VDR: variants seen among roughly 807,000 people sequenced by gnomAD.
VDR encodes the protein vitamin D receptor, also known as vitamin D3 receptor.
VDR carries 19 observed loss-of-function variants against 39.7 expected under a neutral mutation model. That is an observed-to-expected ratio of 0.48 (90% CI 0.33 to 0.70). VDR has a LOEUF of 0.70. VDR is among the 30% of genes least tolerant of loss of function. VDR has a pLI of 0.02. For missense variants in VDR, 442 were observed against 570.5 expected (o/e 0.77, Z 2.29); for synonymous variants, 242 against 215.8 (o/e 1.12, Z -1.07).
chr12:47,896,921 A>G (rs1946474489), intron 1 of VDR: 1 of 152,182 alleles, frequency 6.6e-6, no homozygotes, highest in South Asian at 2.1e-4. Context: ...CCCTGGCCAG[A>G]TTGGAACTGC....
At chr12:47,878,890 G>GC in intron 3 of VDR, 78 bp downstream of exon 3, 1 of 1,608,740 alleles carries the variant, frequency 6.2e-7, no homozygotes. Flanking sequence ...TGTGAAAAAT[G>GC]CAAGGGCTCC....
At position 47,882,771 on chromosome 12, in the gene VDR, G is replaced by C. The variant is rs956855629; in HGVS notation, c.-80C>G. 18 of 1,534,954 alleles carry C rather than the reference G, an allele frequency of 1.2e-5. No homozygotes were observed. Among genetic ancestry groups the C allele is most frequent in the East Asian group, 4.9e-5 (2 of 40,924 alleles). ...TCTCACAGACACTTCAGACCCAAAG[G>C]CTTCTGAAATGAAGAAGGGGAAACC... On this transcript the variant is annotated 5_prime_UTR_variant, in exon 2 of 10. Coordinates refer to ENST00000549336, the MANE Select transcript of VDR (RefSeq NM_000376.3).
In VDR at chr12:47,844,716, C is replaced by T. The variant is rs1281042002; in HGVS notation, c.*30G>A. On this transcript the variant is annotated 3_prime_UTR_variant, in exon 10 of 10. Transcript: ENST00000549336. Reference sequence around the variant, plus strand: ...GGCACGTGGCCCTGGAGGAGCAGCCCCACCCAGGCACCGCCACAGGCTGTC... The same window carrying T: ...GGCACGTGGCCCTGGAGGAGCAGCCTCACCCAGGCACCGCCACAGGCTGTC... 1.9e-6 allele frequency: 3 copies of T among 1,613,302 alleles called. No homozygotes were observed. Among genetic ancestry groups the T allele is most frequent in the Admixed American group, 3.3e-5 (2 of 59,994 alleles).
At chr12:47,890,461 C>G (rs1177275764) in intron 1 of VDR, among the ~76,000 whole-genome samples, 2 of 151,348 alleles carry the variant, frequency 1.3e-5, no homozygotes, top group Non-Finnish European at 2.9e-5. Flanking sequence ...CCTCTGGGGT[C>G]AGGGAGGAAA....
chr12:47,856,568 C>T lies in VDR; in HGVS notation c.583+561G>A, dbSNP rs999084411. Among the ~76,000 whole-genome samples, 3 of 148,976 alleles carry T rather than the reference C, an allele frequency of 2.0e-5. No individual in the cohort carries two copies. In the East Asian group the frequency reaches 5.9e-4, roughly 29 times the overall value. On this transcript the variant is annotated intron_variant, in intron 6 of 9. Coordinates refer to ENST00000549336, the MANE Select transcript of VDR (RefSeq NM_000376.3). ...CAATGCCATATAAAAAAAAGCAAGTCATCAGATTGTATACAGCACAATTTC... is the reference window on the plus strand; with the variant it reads ...CAATGCCATATAAAAAAAAGCAAGTTATCAGATTGTATACAGCACAATTTC...
At chr12:47,860,082 G>A (rs367942248) in intron 4 of VDR, among the ~76,000 whole-genome samples, 6 of 152,036 alleles carry the variant, frequency 3.9e-5, no homozygotes, top group East Asian at 1.9e-4. Flanking sequence ...TCCTGCCTCA[G>A]GCTACAGAGT....
intron 7 of VDR, among the ~76,000 whole-genome samples, chr12:47,855,293 A>C (rs1274293969): frequency 6.6e-6 from 1 of 151,998 alleles, no homozygotes; most frequent in African/African-American, 2.4e-5. Flanking sequence ...GTGCCACTGC[A>C]CTCCAGCCTG....
intron 1 of VDR, among the ~76,000 whole-genome samples, chr12:47,898,979 T>A (rs1250803033): frequency 6.6e-6 from 1 of 152,104 alleles, no homozygotes; most frequent in Non-Finnish European, 1.5e-5. Context: ...TTAACTTAGG[T>A]GGTAGGTACA....
At chr12:47,859,909 CCTTCCTTCTTTCTT>C (rs1565615285) in intron 4 of VDR, among the ~76,000 whole-genome samples, 1,639 of 45,364 alleles carry the variant, frequency 0.036, 93 homozygotes, top group African/African-American at 0.072. Flanking sequence ...TTCCTTCCTT[CCTTCCTTCTTTCTT>C]TTTCTTTCTT....
At chr12:47,874,693 C>T (rs1028993063) in intron 3 of VDR, among the ~76,000 whole-genome samples, 1 of 152,222 alleles carries the variant, frequency 6.6e-6, no homozygotes, top group Non-Finnish European at 1.5e-5. Flanking sequence ...TGTTTCTCAT[C>T]TTGCCTTCCA....
At chr12:47,865,662 C>T (rs897149400) in intron 3 of VDR, among the ~76,000 whole-genome samples, 2 of 151,348 alleles carry the variant, frequency 1.3e-5, no homozygotes, top group South Asian at 2.1e-4. Flanking sequence ...ATCCTCTATC[C>T]TAGGCCTCCC....
chr12:47,845,354 A>G (rs984089094), intron 9 of VDR, among the ~76,000 whole-genome samples: 2 of 151,618 alleles, frequency 1.3e-5, no homozygotes, highest in Non-Finnish European at 2.9e-5. Flanking sequence ...CTGCTCTGCT[A>G]TCTTTGCCAG....
At chr12:47,846,272 G>T (rs1315609722) in intron 9 of VDR, 63 bp downstream of exon 9, 2 of 1,473,252 alleles carry the variant, frequency 1.4e-6, no homozygotes, top group East Asian at 2.3e-5. Context: ...CCCTCAGCAG[G>T]TCTTTGTCCT....
chr12:47,891,457 T>C (rs1946367030), intron 1 of VDR, among the ~76,000 whole-genome samples: 1 of 152,212 alleles, frequency 6.6e-6, no homozygotes, highest in Non-Finnish European at 1.5e-5. Context: ...AAGGGCAGGA[T>C]GCCTGCTTCT....
At chr12:47,867,082 G>T (rs1246733335) in intron 3 of VDR, among the ~76,000 whole-genome samples, 1 of 150,434 alleles carries the variant, frequency 6.6e-6, no homozygotes, top group Middle Eastern at 3.8e-3. Context: ...GAGGCTGGGT[G>T]TGGTGGCTCA....
At chr12:47,881,565 T>C (rs1460143951) in intron 2 of VDR, among the ~76,000 whole-genome samples, 1 of 152,160 alleles carries the variant, frequency 6.6e-6, no homozygotes. Context: ...GTGTGCATTA[T>C]ATAGTAGCAG....
intron 4 of VDR, among the ~76,000 whole-genome samples, chr12:47,859,921 CTTTTTCTTTCT>C (rs1565615419): frequency 0.023 from 1,556 of 67,346 alleles, 66 homozygotes; most frequent in East Asian, 0.059. Flanking sequence ...TTCCTTCTTT[CTTTTTCTTTCT>C]TTCTTTCTTT....
Position 47,843,827 on chromosome 12 carries a change from C to A in VDR, c.*919G>T, listed in dbSNP as rs1228973607. The A allele has an allele frequency of 2.6e-5, 4 of 152,054 alleles. No homozygotes were observed. The highest frequency in any genetic ancestry group is 2.9e-5 in the Non-Finnish European group (2 of 68,000). 9.4% of individuals were successfully genotyped at this position (152,054 alleles called of 1,614,324 possible). A position where few individuals can be genotyped will look rare whatever the true frequency, so the allele number is the denominator to read the frequency against. ...CCCACCCTGCCAGATGGAGAAGATG[C>A]GGCTCACTGCTTCTCCAGACCCTCT... On this transcript the variant is annotated 3_prime_UTR_variant, in exon 10 of 10. Transcript: ENST00000549336.
chr12:47,898,058 C>T (rs981897143), intron 1 of VDR, among the ~76,000 whole-genome samples: 2 of 152,162 alleles, frequency 1.3e-5, no homozygotes, highest in Non-Finnish European at 1.5e-5. Flanking sequence ...CTTGGTTGAA[C>T]TGAGGAGACC....
Sources: gnomAD v4.1 joint callset for allele counts (sites outside exome capture counted in the v4.1 genomes callset) on GRCh38, gnomAD v4.1.1 for gene constraint, MANE v1.5 for transcripts, NCBI Gene and HGNC (gene_info 2026-07-23, HGNC 2026-07-21) for gene names.